The following COQ8B variants were observed in gnomAD, a reference collection of about 807,000 sequenced individuals.
The protein encoded by COQ8B is coenzyme Q8B.
In COQ8B, 44 loss-of-function variants were observed where a neutral mutation model predicts 62.0. The observed-to-expected ratio is 0.71, with a 90% CI of 0.56 to 0.91. The LOEUF (loss-of-function observed/expected upper bound fraction) is 0.91, where lower values mean the gene tolerates loss of function less well. Ranked by LOEUF, COQ8B falls within the 40% of genes least tolerant of loss-of-function variation. COQ8B has a pLI of 0.00. For synonymous variants in COQ8B, 252 were observed against 289.9 expected, an observed-to-expected ratio of 0.87 and a Z score of 1.33; for missense variants, 649 against 731.6, an observed-to-expected ratio of 0.89 and a Z score of 1.30.
rs200660600 is a variant in COQ8B, at chr19:40,692,266, G to A, written c.1404C>T (p.Asp468=). 1.5e-5 allele frequency: 25 copies of A among 1,613,534 alleles called. No individual in the cohort carries two copies. The Admixed American group carries it at 3.5e-4, about 23-fold the overall frequency. ...GGTGCCGCAGCAGCACCGGGATGAG[G>A]TCCTGTATGCGGCGGGCCGTTTCCC... is the stretch of plus-strand genomic sequence containing the variant. ...GSGETARRIQ[D]LIPVLLRHRL... Residue 468 remains aspartate, a synonymous_variant, in exon 15 of 15, where the codon GAC becomes GAT. Coordinates refer to ENST00000324464, the MANE Select transcript of COQ8B (RefSeq NM_024876.4).
intron 14 of COQ8B, 27 bp downstream of exon 14, chr19:40,692,924 C>A (rs2081985374): frequency 6.2e-7 from 1 of 1,606,918 alleles, no homozygotes; most frequent in African/African-American, 1.3e-5. Context: ...CAGACACCAG[C>A]CCCTTTCTCC....
chr19:40,715,441 T>G (rs1468027468), intron 1 of COQ8B: 1 of 985,502 alleles, frequency 1.0e-6, no homozygotes, highest in Non-Finnish European at 1.2e-6. Context: ...CCCTTCTTAT[T>G]TTTACCCCTG....
chr19:40,692,837 C>A lies in COQ8B; in HGVS notation c.1296+114G>T. 6 of 852,474 alleles carry A rather than the reference C, an allele frequency of 7.0e-6. No individual in the cohort carries two copies. In the South Asian group the frequency reaches 1.0e-4, roughly 14 times the overall value. 52.8% of individuals were successfully genotyped at this position (852,474 alleles called of 1,614,324 possible). A position where few individuals can be genotyped will look rare whatever the true frequency, so the allele number is the denominator to read the frequency against. ...CAAGCCCCTCCTAGAGTCCCCCAGT[C>A]CCCGGGTATCGACATGCCCCATCAC... On this transcript the variant is annotated intron_variant, in intron 14 of 14. Coordinates refer to ENST00000324464, the MANE Select transcript of COQ8B (RefSeq NM_024876.4).
chr19:40,696,009 ACT>A lies in COQ8B; in HGVS notation c.1187_1188del (p.Glu396ValfsTer14), dbSNP rs1241333815. Reference protein sequence around the residue: ...DFGASREFGTEFTDHYIEVVK... With the variant: ...DFGASREFGTXFTDHYIEVVK... ...CTCACCTCGATGTAATGGTCTGTGA[ACT>A]CTGTCCCAAACTCCCGGCTTGCACC... is the stretch of plus-strand genomic sequence containing the variant. On this transcript the variant is annotated frameshift_variant, in exon 13 of 15. Coordinates refer to ENST00000324464, the MANE Select transcript of COQ8B (RefSeq NM_024876.4). LOFTEE classifies it high-confidence loss of function. 6.2e-7 allele frequency: 1 copy of A among 1,613,942 alleles called. No homozygotes were observed. The highest frequency in any genetic ancestry group is 8.5e-7 in the Non-Finnish European group (1 of 1,180,020).
rs2082188725 is a variant in COQ8B, at chr19:40,716,851, T to C, written c.-268A>G. 1 of 208,512 alleles carries C rather than the reference T, an allele frequency of 4.8e-6. No homozygotes were observed. The highest frequency in any genetic ancestry group is 6.0e-5 in the Admixed American group (1 of 16,792). The allele number at this position is 208,512 out of a possible 1,614,324, so 12.9% of individuals were successfully genotyped here. A position where few individuals can be genotyped will look rare whatever the true frequency, so the allele number is the denominator to read the frequency against. Reference sequence around the variant, plus strand: ...GCGCGCCACCAGGACCCCGGTGCCCTAGATGCATACCTGGCCGCGCTTCGG... The same window carrying C: ...GCGCGCCACCAGGACCCCGGTGCCCCAGATGCATACCTGGCCGCGCTTCGG... On this transcript the variant is annotated 5_prime_UTR_variant, in exon 1 of 15. Transcript: ENST00000324464.
chr19:40,697,845 TATATATAG>T (rs1181724443), intron 12 of COQ8B, among the ~76,000 whole-genome samples: 25 of 52,508 alleles, frequency 4.8e-4, no homozygotes, highest in South Asian at 2.8e-3. Context: ...TATATATATA[TATATATAG>T]AGAGAGAGAG....
At chr19:40,700,516 T>A in intron 10 of COQ8B, 65 bp from the exon 11 acceptor site, 1 of 1,560,630 alleles carries the variant, frequency 6.4e-7, no homozygotes, top group South Asian at 1.2e-5. Context: ...GCTTGAGACC[T>A]CCTCCTTGTG....
intron 13 of COQ8B, among the ~76,000 whole-genome samples, chr19:40,695,121 C>T (rs913372218): frequency 6.6e-6 from 1 of 152,066 alleles, no homozygotes; most frequent in South Asian, 2.1e-4. Flanking sequence ...AGTTCGAGAC[C>T]AGCCTGGGCA....
intron 9 of COQ8B, 34 bp downstream of exon 9, chr19:40,703,507 G>A (rs1226058345): frequency 6.4e-7 from 1 of 1,570,830 alleles, no homozygotes; most frequent in Admixed American, 1.8e-5. Context: ...TAGCCCCTTT[G>A]GGAGGTCAGC....
chr19:40,699,700 C>A (rs1421788196), intron 12 of COQ8B, among the ~76,000 whole-genome samples: 1 of 152,226 alleles, frequency 6.6e-6, no homozygotes, highest in Non-Finnish European at 1.5e-5. Context: ...GCATGCCTTG[C>A]ACCTAGGCAG....
intron 13 of COQ8B, among the ~76,000 whole-genome samples, chr19:40,695,334 A>AAG (rs1180182955): frequency 2.1e-4 from 32 of 152,046 alleles, no homozygotes; most frequent in African/African-American, 6.7e-4. Flanking sequence ...AAAAAAAAAA[A>AAG]AGAAAAGAAA....
chr19:40,704,210 C>T (rs2082083400), intron 7 of COQ8B: 1 of 187,508 alleles, frequency 5.3e-6, no homozygotes, highest in African/African-American at 2.5e-5. Flanking sequence ...AGTGTAGTGG[C>T]ACTCTCACGG....
intron 13 of COQ8B, 88 bp from the exon 14 acceptor site, chr19:40,693,125 G>T: frequency 1.8e-6 from 2 of 1,118,310 alleles, no homozygotes; most frequent in Non-Finnish European, 2.7e-6. Context: ...GGCCTCCCAT[G>T]TACCCACCTC....
Position 40,693,440 on chromosome 19 carries a change from G to C in COQ8B, c.1210-403C>G, listed in dbSNP as rs369822372. On this transcript the variant is annotated intron_variant, in intron 13 of 14. Transcript: ENST00000324464. ...CCACACTGGACTTTGAGCCCCGTGA[G>C]AGCAAGGATCCCAGTTGGGTTTAGT... Among the ~76,000 whole-genome samples, 8 of 152,370 alleles carry C rather than the reference G, an allele frequency of 5.3e-5. No individual in the cohort carries two copies. In the East Asian group the frequency reaches 7.7e-4, roughly 15 times the overall value.
At chr19:40,698,894 C>T (rs2082039564) in intron 12 of COQ8B, among the ~76,000 whole-genome samples, 1 of 152,160 alleles carries the variant, frequency 6.6e-6, no homozygotes, top group African/African-American at 2.4e-5. Flanking sequence ...CTCAAGTCTG[C>T]AGGTCCAAAC....
In COQ8B at chr19:40,710,124, C is replaced by T. The variant is rs2082129512; in HGVS notation, c.302G>A (p.Gly101Asp). Residue 101 changes from glycine (G) to aspartate (D), a missense_variant, in exon 5 of 15, where the codon GGC becomes GAC. Gly to Asp is a moderately conservative substitution (Grantham distance 94, BLOSUM62 -1). Coordinates refer to ENST00000324464, the MANE Select transcript of COQ8B (RefSeq NM_024876.4). ...RLANFGGLAV[G>D]LGLGVLAEMA... ...CTCGGCCAGTACTCCTAGCCCCAAG[C>T]CCACAGCCAGTCCTGGAGTGCAAGA... The T allele has an allele frequency of 1.9e-6, 3 of 1,613,952 alleles. No individual in the cohort carries two copies. In the South Asian group the frequency reaches 3.3e-5, roughly 18 times the overall value.
chr19:40,692,475 A>G, intron 14 of COQ8B, 102 bp from the exon 15 acceptor site: 1 of 1,019,498 alleles, frequency 9.8e-7, no homozygotes. Flanking sequence ...TCCAGTCTCC[A>G]CCATCAACAC....
rs58313890 is a variant in COQ8B at position 40,697,875 on chromosome 19, G to GAGAGAGGCAGGC, written c.1144-1822_1144-1821insGCCTGCCTCTCT. On this transcript the variant is annotated intron_variant, in intron 12 of 14. Coordinates refer to ENST00000324464, the MANE Select transcript of COQ8B (RefSeq NM_024876.4). ...ATAGAGAGAGAGAGAGAGAGAGAGAGAGTTTCTACTGGGCGTTCATGCAAA... is the reference window on the plus strand; with the variant it reads ...ATAGAGAGAGAGAGAGAGAGAGAGAGAGAGAGGCAGGCAGTTTCTACTGGGCGTTCATGCAAA... Among the ~76,000 whole-genome samples, 4 of 103,474 alleles carry GAGAGAGGCAGGC rather than the reference G, an allele frequency of 3.9e-5. No individual in the cohort carries two copies. The East Asian group carries it at 1.2e-3, about 30-fold the overall frequency. The allele number at this position is 103,474 out of a possible 152,430, so 67.9% of individuals were successfully genotyped here. A position where few individuals can be genotyped will look rare whatever the true frequency, so the allele number is the denominator to read the frequency against.
intron 4 of COQ8B, 29 bp from the exon 5 acceptor site, chr19:40,710,165 C>G: frequency 6.2e-7 from 1 of 1,610,740 alleles, no homozygotes; most frequent in Non-Finnish European, 8.5e-7. Flanking sequence ...ACATGAGTGC[C>G]CGTTTGCCTG....
Sources: gnomAD v4.1 joint callset for allele counts (sites outside exome capture counted in the v4.1 genomes callset) on GRCh38, gnomAD v4.1.1 for gene constraint, MANE v1.5 for transcripts, NCBI Gene and HGNC (gene_info 2026-07-23, HGNC 2026-07-21) for gene names.